Variants in PRH1 observed in about 807,000 individuals in gnomAD.
The protein encoded by PRH1 is proline rich protein HaeIII subfamily 1.
Under a neutral mutation model 7.9 loss-of-function variants are expected in PRH1, and 7 were observed. That is an observed-to-expected ratio of 0.89 (90% CI 0.50 to 1.67). The LOEUF is 1.67. Among genes scored for constraint, PRH1 ranks in the 40% most tolerant of loss-of-function variants. The probability of loss-of-function intolerance (pLI) is 0.00; values close to 1 mark genes in which losing one functional copy is unlikely to be tolerated. For synonymous variants in PRH1, 45 were observed against 80.8 expected (o/e 0.56, Z 2.38); for missense variants, 109 against 223.6 (o/e 0.49, Z 3.27).
intron 1 of PRH1, among the ~76,000 whole-genome samples, chr12:11,129,774 TC>T (rs1946274630): frequency 6.6e-6 from 1 of 152,294 alleles, no homozygotes; most frequent in Non-Finnish European, 1.5e-5. Flanking sequence ...TAGCACTGCT[TC>T]ACTGTTGTAT....
intron 2 of PRH1, among the ~76,000 whole-genome samples, chr12:10,933,003 A>G (rs1034567411): frequency 2.0e-5 from 3 of 152,172 alleles, no homozygotes; most frequent in Non-Finnish European, 4.4e-5. Flanking sequence ...AAAAGATTAA[A>G]TGAATGAGAA....
intron 1 of PRH1, chr12:11,061,244 A>T (rs1464019314): frequency 7.1e-7 from 1 of 1,410,570 alleles, no homozygotes; most frequent in Non-Finnish European, 9.5e-7. Flanking sequence ...AGACTTTTCT[A>T]GGTACATGCT....
At chr12:11,116,188 G>A (rs1178818578), downstream of PRH1, among the ~76,000 whole-genome samples, 1 of 151,842 alleles carries the variant, frequency 6.6e-6, no homozygotes, top group African/African-American at 2.4e-5. Flanking sequence ...AATAAAATCA[G>A]ACATGAAAGC....
chr12:11,114,618 C>T (rs191572151), intron 1 of PRH1, among the ~76,000 whole-genome samples: 188 of 152,112 alleles, frequency 1.2e-3, no homozygotes, highest in African/African-American at 3.6e-3. Flanking sequence ...CAAACCTGCA[C>T]GTTCTGCACA....
chr12:10,940,040 G>GT (rs1277650673), intron 2 of PRH1, among the ~76,000 whole-genome samples: 1 of 152,082 alleles, frequency 6.6e-6, no homozygotes, highest in Non-Finnish European at 1.5e-5. Context: ...AAATCAGATG[G>GT]TTTTTTAAAG....
chr12:11,020,009 C>T (rs1216972933), intron 1 of PRH1, among the ~76,000 whole-genome samples: 1 of 152,284 alleles, frequency 6.6e-6, no homozygotes, highest in East Asian at 1.9e-4. Flanking sequence ...CTTGTCTCTA[C>T]TTCACACACC....
At chr12:11,126,148 TG>T (rs1328324917) in intron 1 of PRH1, among the ~76,000 whole-genome samples, 2 of 152,280 alleles carry the variant, frequency 1.3e-5, no homozygotes, top group Non-Finnish European at 1.5e-5. Flanking sequence ...TACCACATCT[TG>T]GTCATGAAGT....
intron 1 of PRH1, among the ~76,000 whole-genome samples, chr12:11,025,896 T>C (rs991722457): frequency 1.1e-4 from 17 of 152,304 alleles, no homozygotes; most frequent in African/African-American, 4.1e-4. Context: ...CATAAATCAT[T>C]TTCTATGGGG....
At chr12:11,019,390 G>C (rs1215521799) in intron 1 of PRH1, among the ~76,000 whole-genome samples, 2 of 152,276 alleles carry the variant, frequency 1.3e-5, no homozygotes, top group Admixed American at 6.5e-5. Flanking sequence ...CCTCATTGCT[G>C]CCCTGGACTT....
chr12:11,122,248 A>G (rs1945933967), intron 1 of PRH1, among the ~76,000 whole-genome samples: 1 of 152,288 alleles, frequency 6.6e-6, no homozygotes, highest in South Asian at 2.1e-4. Context: ...TCCCAGAAGA[A>G]GAATGAGAAA....
At chr12:10,956,555 G>A (rs1937970458) in intron 2 of PRH1, among the ~76,000 whole-genome samples, 1 of 151,958 alleles carries the variant, frequency 6.6e-6, no homozygotes, top group Non-Finnish European at 1.5e-5. Context: ...CAACAGTACT[G>A]GAAGTCCTGG....
At chr12:11,123,528 A>C (rs1303405031) in intron 1 of PRH1, among the ~76,000 whole-genome samples, 3 of 152,166 alleles carry the variant, frequency 2.0e-5, no homozygotes, top group Non-Finnish European at 4.4e-5. Flanking sequence ...GGCAACATTT[A>C]TTTAGAATTA....
chr12:11,021,500 A>AAT (rs370493292), intron 1 of PRH1: 14 of 530,796 alleles, frequency 2.6e-5, no homozygotes, highest in East Asian at 1.2e-4. Context: ...TACACCCATA[A>AAT]ATATATATAT....
At chr12:11,140,250 T>C (rs968734594) in intron 1 of PRH1, among the ~76,000 whole-genome samples, 1 of 152,110 alleles carries the variant, frequency 6.6e-6, no homozygotes, top group African/African-American at 2.4e-5. Context: ...AATTTCAGGA[T>C]TGTTTAACAA....
chr12:11,029,772 A>C lies in PRH1; in HGVS notation c.-126+17248T>G, dbSNP rs1942094031. On this transcript the variant is annotated intron_variant, in intron 1 of 3. Transcript: ENST00000539853. ...ACCGCTTATGGTAGACATACATTAA[A>C]TTTACTCTGCATATGCTTCTCACTC... 2.0e-5 allele frequency among the ~76,000 whole-genome samples: 3 copies of C among 152,298 alleles called. No individual in the cohort carries two copies. In the South Asian group the frequency reaches 6.2e-4, roughly 32 times the overall value.
intron 2 of PRH1, chr12:10,938,483 A>G (rs1950329243): frequency 6.2e-7 from 1 of 1,613,958 alleles, no homozygotes; most frequent in Non-Finnish European, 8.5e-7. Flanking sequence ...CAGAGAGAAA[A>G]TGGCATAGAG....
intron 1 of PRH1, among the ~76,000 whole-genome samples, chr12:11,162,330 C>T (rs564714572): frequency 6.6e-6 from 1 of 152,308 alleles, no homozygotes; most frequent in African/African-American, 2.4e-5. Flanking sequence ...TGTTTTCTTT[C>T]TAAATGGGAG....
chr12:10,990,679 T>C (rs1939891739), intron 1 of PRH1, among the ~76,000 whole-genome samples: 1 of 152,200 alleles, frequency 6.6e-6, no homozygotes, highest in African/African-American at 2.4e-5. Flanking sequence ...GAGAAAATGA[T>C]GTGCAGAACT....
At chr12:10,985,770 A>C in intron 1 of PRH1, 1 of 585,316 alleles carries the variant, frequency 1.7e-6, no homozygotes, top group East Asian at 2.8e-5. Context: ...ACACATAGAT[A>C]CACTTTTAGA....
Sources: gnomAD v4.1 joint callset for allele counts (sites outside exome capture counted in the v4.1 genomes callset) on GRCh38, gnomAD v4.1.1 for gene constraint, MANE v1.5 for transcripts, NCBI Gene and HGNC (gene_info 2026-07-23, HGNC 2026-07-21) for gene names.